LNPEP: variants seen among roughly 807,000 people sequenced by gnomAD.
LNPEP encodes leucyl and cystinyl aminopeptidase.
LNPEP carries 64 observed loss-of-function variants against 120.6 expected under a neutral mutation model. That is an observed-to-expected ratio of 0.53 (90% CI 0.43 to 0.65). The LOEUF is 0.65. Among genes scored for constraint, LNPEP ranks in the 30% least tolerant of loss-of-function variants. The pLI is 0.00. For missense variants in LNPEP, 1,057 were observed against 1,200.0 expected, an observed-to-expected ratio of 0.88 and a Z score of 1.76; for synonymous variants, 435 against 425.4, an observed-to-expected ratio of 1.02 and a Z score of -0.28.
intron 1 of LNPEP, among the ~76,000 whole-genome samples, chr5:96,973,788 TA>T (rs1232065526): frequency 6.6e-6 from 1 of 152,176 alleles, no homozygotes; most frequent in African/African-American, 2.4e-5. Flanking sequence ...GATGGCAGCT[TA>T]AAGCTTTAAT....
intron 1 of LNPEP, among the ~76,000 whole-genome samples, chr5:96,953,126 G>A (rs1185355073): frequency 6.6e-6 from 1 of 150,718 alleles, no homozygotes; most frequent in Admixed American, 6.6e-5. Flanking sequence ...CGTGGGGTTT[G>A]ACTATACCTG....
chr5:97,027,875 T>C (rs1249950823), intron 17 of LNPEP, 61 bp downstream of exon 17: 7 of 990,234 alleles, frequency 7.1e-6, no homozygotes, highest in Non-Finnish European at 1.1e-5. Flanking sequence ...CGGACCAGGC[T>C]GCTCAGTTTT....
rs528454001 is a variant in LNPEP at position 96,979,351 on chromosome 5, G to T, written c.233G>T (p.Gly78Val). 1.9e-6 allele frequency: 3 copies of T among 1,614,080 alleles called. No individual in the cohort carries two copies. The highest frequency in any genetic ancestry group is 1.1e-5 in the South Asian group (1 of 91,076). Residue 78 changes from glycine to valine, a missense_variant, in exon 2 of 18, where the codon GGC (glycine) becomes GTC (valine). Gly to Val is a moderately radical substitution (Grantham distance 109, BLOSUM62 -3). Coordinates refer to ENST00000231368, the MANE Select transcript of LNPEP (RefSeq NM_005575.3). ...TATGAGTCATCAGCAAAGCTGCTGG[G>T]CATGTCCTTCATGAATAGAAGCTCA... is the stretch of plus-strand genomic sequence containing the variant. ...EDYESSAKLLGMSFMNRSSGL... is the reference protein window; with the variant it reads ...EDYESSAKLLVMSFMNRSSGL...
At chr5:96,989,277 TATATA>T (rs1369120961) in intron 4 of LNPEP, among the ~76,000 whole-genome samples, 14 of 136,386 alleles carry the variant, frequency 1.0e-4, no homozygotes, top group African/African-American at 3.8e-4. Context: ...ATATATATAT[TATATA>T]ATATATAATT....
chr5:96,991,247 C>T (rs1790382625), intron 4 of LNPEP, among the ~76,000 whole-genome samples: 1 of 152,168 alleles, frequency 6.6e-6, no homozygotes, highest in Non-Finnish European at 1.5e-5. Context: ...TTATTTCATT[C>T]CTTTCTATGG....
At chr5:97,013,921 A>T (rs1561452436) in intron 12 of LNPEP, 90 bp downstream of exon 12, 1 of 939,224 alleles carries the variant, frequency 1.1e-6, no homozygotes, top group African/African-American at 1.7e-5. Flanking sequence ...TGAAAGAACT[A>T]GCATGTATTG....
At chr5:96,955,228 A>G (rs1789434252) in intron 1 of LNPEP, among the ~76,000 whole-genome samples, 1 of 152,186 alleles carries the variant, frequency 6.6e-6, no homozygotes, top group Non-Finnish European at 1.5e-5. Context: ...ATTGAATTAT[A>G]TAGATTTTAT....
intron 8 of LNPEP, among the ~76,000 whole-genome samples, chr5:97,001,252 G>A (rs1218491602): frequency 1.3e-5 from 2 of 152,176 alleles, no homozygotes; most frequent in East Asian, 3.9e-4. Context: ...AACTGGACTT[G>A]GAGTGTGTTT....
chr5:96,992,890 C>T lies in LNPEP; in HGVS notation c.1132-125C>T. On this transcript the variant is annotated intron_variant, in intron 4 of 17. Transcript: ENST00000231368. The stretch of plus-strand genomic sequence containing the variant: ...CTAAAGTAACCATAAGCAAGTGTTT[C>T]TATCCAGAAGGATCTCATACAATTC... 7 of 632,760 alleles carry T rather than the reference C, an allele frequency of 1.1e-5. No homozygotes were observed. The South Asian group carries it at 1.8e-4, about 17-fold the overall frequency. 39.2% of individuals were successfully genotyped at this position (632,760 alleles called of 1,614,324 possible). A position where few individuals can be genotyped will look rare whatever the true frequency, so the allele number is the denominator to read the frequency against.
chr5:97,019,115 T>C (rs1364966598), intron 13 of LNPEP, among the ~76,000 whole-genome samples: 2 of 152,194 alleles, frequency 1.3e-5, no homozygotes, highest in African/African-American at 4.8e-5. Flanking sequence ...ACAACATAAG[T>C]GCTAGCATCT....
chr5:96,971,652 CT>C (rs1219341121), intron 1 of LNPEP, among the ~76,000 whole-genome samples: 1 of 151,826 alleles, frequency 6.6e-6, no homozygotes, highest in Non-Finnish European at 1.5e-5. Flanking sequence ...TGGACTCTTT[CT>C]TTTGCTGTCT....
intron 1 of LNPEP, among the ~76,000 whole-genome samples, chr5:96,939,361 C>G (rs1270035190): frequency 6.6e-6 from 1 of 151,830 alleles, no homozygotes; most frequent in Non-Finnish European, 1.5e-5. Flanking sequence ...TTACAGGCGC[C>G]CGCCACCATG....
chr5:96,996,397 G>T lies in LNPEP; in HGVS notation c.1415G>T (p.Gly472Val). ...TGTTTTCTCTCCCCCCAGTGGTTTG[G>T]CAATCTGGTAACAATGAAGTGGTGG... Reference protein sequence around the residue: ...IAHELAHQWFGNLVTMKWWND... With the variant: ...IAHELAHQWFVNLVTMKWWND... The change falls in exon 7 of 18, where the codon GGC (glycine) becomes GTC (valine). Residue 472 changes from glycine (G) to valine (V), a missense_variant. Coordinates refer to ENST00000231368, the MANE Select transcript of LNPEP (RefSeq NM_005575.3). 1 of 1,599,268 alleles carries T rather than the reference G, an allele frequency of 6.3e-7. No homozygotes were observed. The highest frequency in any genetic ancestry group is 8.6e-7 in the Non-Finnish European group (1 of 1,166,806).
intron 1 of LNPEP, among the ~76,000 whole-genome samples, chr5:96,954,768 A>ATTTTT (rs1581981619): frequency 8.3e-5 from 3 of 36,096 alleles, no homozygotes; most frequent in Admixed American, 3.9e-4. Context: ...ATATATATAT[A>ATTTTT]TATATTTTTT....
chr5:96,943,363 T>C (rs1198127180), intron 1 of LNPEP, among the ~76,000 whole-genome samples: 1 of 152,210 alleles, frequency 6.6e-6, no homozygotes, highest in East Asian at 1.9e-4. Context: ...GCCACAGCAC[T>C]GCAGCCTTGA....
At chr5:96,994,988 A>C (rs1356591026) in intron 6 of LNPEP, among the ~76,000 whole-genome samples, 1 of 152,132 alleles carries the variant, frequency 6.6e-6, no homozygotes, top group Non-Finnish European at 1.5e-5. Context: ...CATGCCTGTA[A>C]TCCTAGTTAC....
chr5:96,978,699 C>T (rs546656041), intron 1 of LNPEP, among the ~76,000 whole-genome samples: 1 of 152,054 alleles, frequency 6.6e-6, no homozygotes, highest in South Asian at 2.1e-4. Flanking sequence ...TGCCCAAACC[C>T]TAGAAGGGGA....
chr5:97,006,468 G>A lies in LNPEP; in HGVS notation c.1988G>A (p.Arg663Lys). 1 of 1,584,886 alleles carries A rather than the reference G, an allele frequency of 6.3e-7. No individual in the cohort carries two copies. Among genetic ancestry groups the A allele is most frequent in the Non-Finnish European group, 8.7e-7 (1 of 1,154,162 alleles). ...CCACTATCCTATGTCACTGAAGGAAGAAATTATTCAAAATATCAATCGGTA... is the reference window on the plus strand; with the variant it reads ...CCACTATCCTATGTCACTGAAGGAAAAAATTATTCAAAATATCAATCGGTA... ...HIPLSYVTEG[R>K]NYSKYQSVSL... is the part of the protein sequence containing the mutation. The change falls in exon 11 of 18, where the codon AGA (arginine) becomes AAA (lysine). Residue 663 changes from arginine to lysine, a missense_variant. By Grantham distance (26) the Arg-to-Lys change is conservative (BLOSUM62 2). Transcript: ENST00000231368.
At chr5:97,021,923 G>GTTTTTTTTTTTTTTTTTT (rs1165456605) in intron 13 of LNPEP, among the ~76,000 whole-genome samples, 1 of 57,170 alleles carries the variant, frequency 1.7e-5, no homozygotes, top group Non-Finnish European at 3.1e-5. Flanking sequence ...TTTGTCTTTT[G>GTTTTTTTTTTTTTTTTTT]TTTTTTTTTT....
Sources: gnomAD v4.1 joint callset for allele counts (sites outside exome capture counted in the v4.1 genomes callset) on GRCh38, gnomAD v4.1.1 for gene constraint, MANE v1.5 for transcripts, NCBI Gene and HGNC (gene_info 2026-07-23, HGNC 2026-07-21) for gene names.